Variants in PPP3CA observed in about 807,000 individuals in gnomAD.
PPP3CA encodes protein phosphatase 3 catalytic subunit alpha.
A neutral mutation model predicts 66.5 loss-of-function variants in PPP3CA; 14 were observed. The observed-to-expected ratio is 0.21, with a 90% CI of 0.14 to 0.33. The LOEUF is 0.33. Ranked by LOEUF, PPP3CA falls within the 10% of genes least tolerant of loss-of-function variation. PPP3CA has a pLI of 1.00. For synonymous variants in PPP3CA, 232 were observed against 226.2 expected (o/e 1.03, Z -0.23); for missense variants, 317 against 639.5 (o/e 0.50, Z 5.44).
At chr4:101,179,319 G>T (rs969151265) in intron 2 of PPP3CA, among the ~76,000 whole-genome samples, 5 of 151,988 alleles carry the variant, frequency 3.3e-5, no homozygotes, top group African/African-American at 1.2e-4. Context: ...CCACCCTTTG[G>T]ATACCATCCC....
intron 1 of PPP3CA, among the ~76,000 whole-genome samples, chr4:101,315,284 G>A (rs1728850118): frequency 6.6e-6 from 1 of 152,190 alleles, no homozygotes; most frequent in African/African-American, 2.4e-5. Context: ...CCAGAACTGT[G>A]AGAGATAAAC....
At chr4:101,334,302 T>C (rs935645734) in intron 1 of PPP3CA, among the ~76,000 whole-genome samples, 1 of 152,104 alleles carries the variant, frequency 6.6e-6, no homozygotes, top group African/African-American at 2.4e-5. Context: ...GCACAGCTAA[T>C]TTTTATATTT....
intron 1 of PPP3CA, among the ~76,000 whole-genome samples, chr4:101,292,069 A>G (rs1013496674): frequency 7.0e-6 from 1 of 143,482 alleles, no homozygotes; most frequent in Admixed American, 7.3e-5. Flanking sequence ...TCGAGGCTGC[A>G]CTGAGCCCAT....
chr4:101,169,753 C>A (rs952573955), intron 2 of PPP3CA, among the ~76,000 whole-genome samples: 1 of 149,840 alleles, frequency 6.7e-6, no homozygotes, highest in African/African-American at 2.5e-5. Flanking sequence ...TTTTTTACTG[C>A]TGACTCTTAT....
At chr4:101,135,438 G>C (rs766480493) in intron 2 of PPP3CA, among the ~76,000 whole-genome samples, 1 of 152,212 alleles carries the variant, frequency 6.6e-6, no homozygotes, top group Non-Finnish European at 1.5e-5. Context: ...ATACACTCAG[G>C]ATTAACATTA....
At position 101,129,146 on chromosome 4, in the gene PPP3CA, C is replaced by T. The variant is rs565899117; in HGVS notation, c.260-20068G>A. ...AAAGCCCAGGGAAATTCAGACTGGGCAGAGCAAACCACAGCTCAGCAATGA... is the reference window on the plus strand; with the variant it reads ...AAAGCCCAGGGAAATTCAGACTGGGTAGAGCAAACCACAGCTCAGCAATGA... On this transcript the variant is annotated intron_variant, in intron 2 of 13. Coordinates refer to ENST00000394854, the MANE Select transcript of PPP3CA (RefSeq NM_000944.5). Among the ~76,000 whole-genome samples, 5 of 152,276 alleles carry T rather than the reference C, an allele frequency of 3.3e-5. No individual in the cohort carries two copies. In the South Asian group the frequency reaches 1.0e-3, roughly 32 times the overall value.
chr4:101,138,573 TA>T (rs1196823296), intron 2 of PPP3CA, among the ~76,000 whole-genome samples: 1 of 152,238 alleles, frequency 6.6e-6, no homozygotes, highest in African/African-American at 2.4e-5. Context: ...TCCAAAAATC[TA>T]AAATCTTAAA....
At chr4:101,092,188 A>C (rs1001718480) in intron 6 of PPP3CA, among the ~76,000 whole-genome samples, 10 of 152,062 alleles carry the variant, frequency 6.6e-5, no homozygotes, top group African/African-American at 2.2e-4. Flanking sequence ...TTATAAAAAT[A>C]TTTTCAACTT....
rs779401907 is a variant in PPP3CA at position 101,300,841 on chromosome 4, T to C, written c.58+45898A>G. 8.3e-4 allele frequency among the ~76,000 whole-genome samples: 127 copies of C among 152,182 alleles called. 1 individual carries two copies. Among genetic ancestry groups the C allele is most frequent in the Middle Eastern group, 3.2e-3 (1 of 316 alleles). Reference sequence around the variant, plus strand: ...CTAAATGTCATTCTGGATTGTACTGTATATCTGCCTCCCTCAAAATAATAA... The same window carrying C: ...CTAAATGTCATTCTGGATTGTACTGCATATCTGCCTCCCTCAAAATAATAA... On this transcript the variant is annotated intron_variant, in intron 1 of 13. Coordinates refer to ENST00000394854, the MANE Select transcript of PPP3CA (RefSeq NM_000944.5).
At chr4:101,047,082 T>C (rs1727798156) in intron 10 of PPP3CA, among the ~76,000 whole-genome samples, 1 of 152,202 alleles carries the variant, frequency 6.6e-6, no homozygotes, top group Non-Finnish European at 1.5e-5. Context: ...TGTCTTTTTC[T>C]TTCCTGACCT....
intron 4 of PPP3CA, among the ~76,000 whole-genome samples, chr4:101,099,232 T>C (rs1730336345): frequency 6.6e-6 from 1 of 152,148 alleles, no homozygotes; most frequent in Non-Finnish European, 1.5e-5. Context: ...CACTAGAAGC[T>C]AGTATTCATT....
chr4:101,235,454 C>CACACAA (rs150863007), intron 1 of PPP3CA, among the ~76,000 whole-genome samples: 1 of 151,264 alleles, frequency 6.6e-6, no homozygotes, highest in South Asian at 2.1e-4. Flanking sequence ...CACACACACA[C>CACACAA]AGAATGGATA....
intron 8 of PPP3CA, among the ~76,000 whole-genome samples, chr4:101,072,746 C>G (rs558122197): frequency 6.6e-6 from 1 of 151,508 alleles, no homozygotes; most frequent in African/African-American, 2.4e-5. Flanking sequence ...AAAAATATGG[C>G]TAACATAGTG....
chr4:101,079,804 G>T (rs1729358402), intron 8 of PPP3CA, among the ~76,000 whole-genome samples: 1 of 152,144 alleles, frequency 6.6e-6, no homozygotes, highest in Admixed American at 6.5e-5. Flanking sequence ...TGCACCCCTT[G>T]CTCTTCTTCT....
At chr4:101,085,880 C>CGA (rs1039885447) in intron 6 of PPP3CA, among the ~76,000 whole-genome samples, 8 of 149,448 alleles carry the variant, frequency 5.4e-5, no homozygotes, top group Admixed American at 4.0e-4. Context: ...AGAGAAAGAG[C>CGA]GAGAGAGAGA....
intron 1 of PPP3CA, among the ~76,000 whole-genome samples, chr4:101,273,715 A>C (rs1380103757): frequency 2.6e-5 from 4 of 152,234 alleles, no homozygotes; most frequent in African/African-American, 9.6e-5. Flanking sequence ...TTCAAAAATA[A>C]GCTTCAATAT....
At chr4:101,087,880 A>G (rs1014173423) in intron 6 of PPP3CA, among the ~76,000 whole-genome samples, 2 of 152,064 alleles carry the variant, frequency 1.3e-5, no homozygotes, top group African/African-American at 4.8e-5. Context: ...GTAATTTGGG[A>G]GTAGAGGTGA....
At chr4:101,091,619 A>G (rs1017020111) in intron 6 of PPP3CA, among the ~76,000 whole-genome samples, 1 of 151,864 alleles carries the variant, frequency 6.6e-6, no homozygotes. Context: ...CCATAAGAAA[A>G]CTTAGTATAT....
chr4:101,186,575 TTTTA>T (rs1724416009), intron 2 of PPP3CA, among the ~76,000 whole-genome samples: 1 of 152,182 alleles, frequency 6.6e-6, no homozygotes, highest in Non-Finnish European at 1.5e-5. Flanking sequence ...ATTTCCCATT[TTTTA>T]TTTTTCATTT....
Sources: gnomAD v4.1 joint callset for allele counts (sites outside exome capture counted in the v4.1 genomes callset) on GRCh38, gnomAD v4.1.1 for gene constraint, MANE v1.5 for transcripts, NCBI Gene and HGNC (gene_info 2026-07-23, HGNC 2026-07-21) for gene names.